Variants in EXOC4 observed in about 807,000 individuals in gnomAD.
The protein encoded by EXOC4 is SEC8-like 1.
In EXOC4, 71 loss-of-function variants were observed where a neutral mutation model predicts 107.2. The observed-to-expected ratio is 0.66, with a 90% CI of 0.55 to 0.81. The LOEUF is 0.81. EXOC4 is among the 30% of genes least tolerant of loss of function. EXOC4 has a pLI of 0.00. For synonymous variants in EXOC4, 456 were observed against 441.2 expected (o/e 1.03, Z -0.42); for missense variants, 1,108 against 1,189.6 (o/e 0.93, Z 1.01).
At chr7:133,817,217 G>T in intron 10 of EXOC4, 108 bp from the exon 11 acceptor site, 1 of 702,526 alleles carries the variant, frequency 1.4e-6, no homozygotes, top group Non-Finnish European at 2.5e-6. Context: ...TTGATGACCT[G>T]CCCTCTTCAC....
At chr7:133,585,947 G>T (rs979104324) in intron 9 of EXOC4, among the ~76,000 whole-genome samples, 1 of 152,124 alleles carries the variant, frequency 6.6e-6, no homozygotes, top group East Asian at 1.9e-4. Context: ...TGCCTGCCTC[G>T]GCCTCCCAGA....
intron 9 of EXOC4, among the ~76,000 whole-genome samples, chr7:133,594,267 AATCAG>A (rs1423659878): frequency 1.3e-5 from 2 of 152,168 alleles, no homozygotes; most frequent in Non-Finnish European, 2.9e-5. Flanking sequence ...AAGAAAATAA[AATCAG>A]ATAATGAGAG....
chr7:133,812,402 G>C (rs1221421812), intron 10 of EXOC4, among the ~76,000 whole-genome samples: 1 of 152,072 alleles, frequency 6.6e-6, no homozygotes, highest in Non-Finnish European at 1.5e-5. Context: ...TAACCTGCTC[G>C]AGACTGTGCA....
chr7:133,533,865 T>A (rs1465310278), intron 9 of EXOC4, among the ~76,000 whole-genome samples: 3 of 152,154 alleles, frequency 2.0e-5, no homozygotes, highest in Non-Finnish European at 4.4e-5. Context: ...CCCCGATGTG[T>A]TAATCTAATG....
intron 5 of EXOC4, among the ~76,000 whole-genome samples, chr7:133,326,525 T>C (rs1199114587): frequency 1.3e-5 from 2 of 152,202 alleles, no homozygotes; most frequent in Non-Finnish European, 2.9e-5. Context: ...GAACAGTGAA[T>C]ATTGCTGAAC....
intron 17 of EXOC4, among the ~76,000 whole-genome samples, chr7:134,042,982 A>G (rs1368837915): frequency 1.3e-5 from 2 of 152,174 alleles, no homozygotes; most frequent in African/African-American, 4.8e-5. Flanking sequence ...TGGAGGTTGC[A>G]GTTAGCCGAG....
intron 9 of EXOC4, among the ~76,000 whole-genome samples, chr7:133,525,589 T>C (rs73149002): frequency 0.06 from 9,132 of 152,236 alleles, 388 homozygotes; most frequent in Middle Eastern, 0.13. Context: ...TAATGCTGTT[T>C]ACTGTGTTAA....
the EXOC4 span, among the ~76,000 whole-genome samples, chr7:134,099,435 A>G: frequency 6.6e-6 from 1 of 151,752 alleles, no homozygotes; most frequent in Non-Finnish European, 1.5e-5. Context: ...ACACAGGGAC[A>G]CCAAGAAGGA....
chr7:133,492,606 C>T (rs535237715), intron 9 of EXOC4, among the ~76,000 whole-genome samples: 5 of 152,070 alleles, frequency 3.3e-5, no homozygotes, highest in South Asian at 4.1e-4. Flanking sequence ...GGTTTTCTTC[C>T]ATCCCTTTTC....
intron 2 of EXOC4, among the ~76,000 whole-genome samples, chr7:133,281,704 A>G (rs570324683): frequency 7.9e-6 from 1 of 125,990 alleles, no homozygotes; most frequent in Non-Finnish European, 1.7e-5. Flanking sequence ...TTTCTTTTCT[A>G]TTTTTTTTTT....
At chr7:133,812,079 A>G (rs1797245726) in intron 10 of EXOC4, among the ~76,000 whole-genome samples, 1 of 152,134 alleles carries the variant, frequency 6.6e-6, no homozygotes, top group South Asian at 2.1e-4. Context: ...TATTCCAAGT[A>G]TTAACCTAAT....
At chr7:133,755,016 A>AT (rs1266528164) in intron 10 of EXOC4, among the ~76,000 whole-genome samples, 1 of 151,298 alleles carries the variant, frequency 6.6e-6, no homozygotes, top group Non-Finnish European at 1.5e-5. Context: ...TTGACCCTAC[A>AT]TTTTTTCCAA....
intron 9 of EXOC4, among the ~76,000 whole-genome samples, chr7:133,490,701 C>T (rs1374768267): frequency 2.0e-5 from 3 of 152,096 alleles, no homozygotes; most frequent in Admixed American, 6.5e-5. Flanking sequence ...TGGCTTTGGC[C>T]ATTGTTCATC....
chr7:133,903,465 G>T (rs1799500312), intron 12 of EXOC4, among the ~76,000 whole-genome samples: 1 of 152,166 alleles, frequency 6.6e-6, no homozygotes, highest in African/African-American at 2.4e-5. Flanking sequence ...GGACCAGCCA[G>T]CTGAATTCCC....
At chr7:133,986,238 G>A (rs1196711346) in intron 14 of EXOC4, among the ~76,000 whole-genome samples, 1 of 152,192 alleles carries the variant, frequency 6.6e-6, no homozygotes, top group Non-Finnish European at 1.5e-5. Flanking sequence ...GTGAAAAGAG[G>A]TAGTTATTAC....
At chr7:134,043,694 A>T (rs1249540880) in intron 17 of EXOC4, among the ~76,000 whole-genome samples, 1 of 152,070 alleles carries the variant, frequency 6.6e-6, no homozygotes, top group Non-Finnish European at 1.5e-5. Context: ...GGTGTAAACT[A>T]TTAGGGGCAC....
chr7:133,343,812 A>G (rs753905015), intron 5 of EXOC4, among the ~76,000 whole-genome samples: 3 of 151,382 alleles, frequency 2.0e-5, no homozygotes, highest in Non-Finnish European at 4.4e-5. Flanking sequence ...TGGGCATTTA[A>G]TAATTTATTA....
the EXOC4 span, among the ~76,000 whole-genome samples, chr7:134,075,274 C>T: frequency 6.6e-6 from 1 of 152,132 alleles, no homozygotes; most frequent in Non-Finnish European, 1.5e-5. Context: ...CTGAGGTTTT[C>T]ATTAGGTTCT....
intron 17 of EXOC4, among the ~76,000 whole-genome samples, chr7:134,010,510 G>C (rs1794738765): frequency 6.6e-6 from 1 of 151,846 alleles, no homozygotes; most frequent in Admixed American, 6.6e-5. Context: ...TCTTGTTTTT[G>C]GTAGGGACAG....
Sources: gnomAD v4.1 joint callset for allele counts (sites outside exome capture counted in the v4.1 genomes callset) on GRCh38, gnomAD v4.1.1 for gene constraint, MANE v1.5 for transcripts, NCBI Gene and HGNC (gene_info 2026-07-23, HGNC 2026-07-21) for gene names.